PRELID2: variants seen among roughly 807,000 people sequenced by gnomAD.
PRELID2 encodes PRELI domain-containing protein 2.
A neutral mutation model predicts 28.4 loss-of-function variants in PRELID2; 25 were observed. That is an observed-to-expected ratio of 0.88 (90% confidence interval 0.64 to 1.23). PRELID2 has a LOEUF of 1.23. Ranked by LOEUF, PRELID2 falls within the 50% of genes most tolerant of loss-of-function variation. The pLI, the probability that PRELID2 is intolerant of heterozygous loss-of-function variation, is 0.00. For missense variants in PRELID2, 201 were observed against 214.4 expected, an observed-to-expected ratio of 0.94 and a Z score of 0.39; for synonymous variants, 76 against 71.6, an observed-to-expected ratio of 1.06 and a Z score of -0.31.
chr5:145,365,303 G>A, the PRELID2 span, among the ~76,000 whole-genome samples: 1 of 151,820 alleles, frequency 6.6e-6, no homozygotes, highest in Non-Finnish European at 1.5e-5. Context: ...AGTATTTTAG[G>A]TAATAGATTT....
chr5:145,354,507 C>T, the PRELID2 span, among the ~76,000 whole-genome samples: 1 of 152,174 alleles, frequency 6.6e-6, no homozygotes, highest in Non-Finnish European at 1.5e-5. Context: ...TGATTCCTCT[C>T]ATTAACAAAT....
At chr5:145,700,344 T>C (rs1466639433) in intron 1 of PRELID2, among the ~76,000 whole-genome samples, 2 of 152,082 alleles carry the variant, frequency 1.3e-5, no homozygotes, top group Non-Finnish European at 2.9e-5. Flanking sequence ...ACCAAATCCA[T>C]GTACTCAAAA....
chr5:145,625,755 A>G (rs188587513), intron 1 of PRELID2, among the ~76,000 whole-genome samples: 128 of 152,286 alleles, frequency 8.4e-4, no homozygotes, highest in African/African-American at 2.9e-3. Flanking sequence ...GTTACTGAAA[A>G]TGTATACTTT....
intron 1 of PRELID2, among the ~76,000 whole-genome samples, chr5:145,648,396 TAAATAATAAATAATAA>T (rs1174813793): frequency 4.0e-5 from 6 of 150,386 alleles, no homozygotes; most frequent in East Asian, 1.9e-4. Context: ...AAGATGTTTT[TAAATAATAAATAATAA>T]AAATAATAAA....
the PRELID2 span, among the ~76,000 whole-genome samples, chr5:145,398,678 T>C: frequency 1.3e-5 from 2 of 152,116 alleles, no homozygotes; most frequent in East Asian, 3.9e-4. Context: ...CAACAAACAA[T>C]GTTCCTGTTC....
chr5:145,342,346 GAAGAA>G, the PRELID2 span, among the ~76,000 whole-genome samples: 1 of 152,020 alleles, frequency 6.6e-6, no homozygotes, highest in Admixed American at 6.6e-5. Context: ...TCACACAAAG[GAAGAA>G]GAGAAAGGAT....
At chr5:145,766,746 G>T (rs1294126958) in intron 5 of PRELID2, among the ~76,000 whole-genome samples, 6 of 152,120 alleles carry the variant, frequency 3.9e-5, no homozygotes, top group African/African-American at 1.4e-4. Flanking sequence ...CATTCTGCTA[G>T]GCACCTTAGG....
the PRELID2 span, among the ~76,000 whole-genome samples, chr5:145,396,014 G>T: frequency 6.6e-6 from 1 of 152,020 alleles, no homozygotes; most frequent in Non-Finnish European, 1.5e-5. Context: ...TGTCTTCTTG[G>T]GAGCCAGAAT....
chr5:145,380,279 A>T, the PRELID2 span, among the ~76,000 whole-genome samples: 17 of 152,164 alleles, frequency 1.1e-4, no homozygotes, highest in African/African-American at 3.9e-4. Context: ...AGTACTTGGT[A>T]GCCCCATGCA....
chr5:145,285,217 T>C, the PRELID2 span, among the ~76,000 whole-genome samples: 7 of 152,120 alleles, frequency 4.6e-5, no homozygotes, highest in Non-Finnish European at 1.0e-4. Flanking sequence ...CTGAGGCACA[T>C]TTAGAAGATG....
At chr5:145,242,080 T>C in the PRELID2 span, among the ~76,000 whole-genome samples, 18 of 152,118 alleles carry the variant, frequency 1.2e-4, no homozygotes, top group East Asian at 3.3e-3. Context: ...ATTTGAAGCA[T>C]TGTTCATTTT....
rs746867507 is a variant in PRELID2, at chr5:145,542,775, TTCTTTCTTTCTG to T, written n.71-69472_71-69461del. On this transcript the variant is annotated intron_variant and non_coding_transcript_variant, in intron 1 of 2. Coordinates refer to the PRELID2 transcript ENST00000510259. Reference sequence around the variant, plus strand: ...TTTCTTTCTTTCTTTCTTTCTTTCTTTCTTTCTTTCTGTCTTTTTCTCTTTTCTTTTACTTTC... The same window carrying T: ...TTTCTTTCTTTCTTTCTTTCTTTCTTTCTTTTTCTCTTTTCTTTTACTTTC... Among the ~76,000 whole-genome samples the T allele has an allele frequency of 7.0e-3, 995 of 141,174 alleles. 13 individuals carry two copies. The highest frequency in any genetic ancestry group is 0.026 in the African/African-American group (851 of 33,056). The allele number at this position is 141,174 out of a possible 152,430, so 92.6% of individuals were successfully genotyped here.
At chr5:145,711,030 A>G (rs1452936675) in intron 1 of PRELID2, among the ~76,000 whole-genome samples, 5 of 152,166 alleles carry the variant, frequency 3.3e-5, no homozygotes, top group Non-Finnish European at 1.5e-5. Context: ...AATTTCACTT[A>G]TCTTTGTTTA....
intron 1 of PRELID2, among the ~76,000 whole-genome samples, chr5:145,671,699 G>A (rs1461617173): frequency 6.6e-6 from 1 of 152,110 alleles, no homozygotes; most frequent in Non-Finnish European, 1.5e-5. Context: ...AACCCACATG[G>A]AGTTTCTTAA....
chr5:145,536,844 A>G (rs2126667389), intron 1 of PRELID2, among the ~76,000 whole-genome samples: 1 of 152,032 alleles, frequency 6.6e-6, no homozygotes, highest in Admixed American at 6.6e-5. Context: ...CTTTTGGTGT[A>G]TATTTCATAA....
chr5:145,486,985 G>T (rs994055275), intron 1 of PRELID2, among the ~76,000 whole-genome samples: 1 of 146,490 alleles, frequency 6.8e-6, no homozygotes, highest in African/African-American at 2.5e-5. Context: ...GTAAACTATC[G>T]CAAGAACAAA....
the PRELID2 span, among the ~76,000 whole-genome samples, chr5:145,440,618 C>T: frequency 3.9e-5 from 6 of 152,118 alleles, no homozygotes; most frequent in South Asian, 2.1e-4. Context: ...CTTTTTATTT[C>T]TGTTAATGGG....
intron 1 of PRELID2, among the ~76,000 whole-genome samples, chr5:145,672,119 T>C (rs1227964688): frequency 2.6e-5 from 4 of 152,142 alleles, no homozygotes; most frequent in Non-Finnish European, 5.9e-5. Flanking sequence ...ATCCTCAAAA[T>C]ATTTGTCACC....
intron 1 of PRELID2, among the ~76,000 whole-genome samples, chr5:145,609,954 A>G (rs957084198): frequency 2.0e-5 from 3 of 152,294 alleles, no homozygotes; most frequent in Admixed American, 2.0e-4. Context: ...GCTCCCAGGA[A>G]CCACGACTGC....
Sources: gnomAD v4.1 joint callset for allele counts (sites outside exome capture counted in the v4.1 genomes callset) on GRCh38, gnomAD v4.1.1 for gene constraint, MANE v1.5 for transcripts, NCBI Gene and HGNC (gene_info 2026-07-23, HGNC 2026-07-21) for gene names.